The following DGKB variants were observed in gnomAD, a reference collection of about 807,000 sequenced individuals.
DGKB encodes 90 kDa diacylglycerol kinase.
Under a neutral mutation model 114.3 loss-of-function variants are expected in DGKB, and 67 were observed. The observed-to-expected ratio is 0.59, with a 90% CI of 0.48 to 0.72. The LOEUF (loss-of-function observed/expected upper bound fraction) is 0.72, where lower values mean the gene tolerates loss of function less well. Ranked by LOEUF, DGKB falls within the 30% of genes least tolerant of loss-of-function variation. The pLI is 0.00. For synonymous variants in DGKB, 398 were observed against 323.1 expected (o/e 1.23, Z -2.49); for missense variants, 907 against 975.2 (o/e 0.93, Z 0.93).
At chr7:14,876,101 A>G (rs574243475) in intron 1 of DGKB, among the ~76,000 whole-genome samples, 1 of 152,274 alleles carries the variant, frequency 6.6e-6, no homozygotes, top group South Asian at 2.1e-4. Flanking sequence ...ACTAGCTAAA[A>G]CAGGGCGGAG....
intron 14 of DGKB, among the ~76,000 whole-genome samples, chr7:14,625,911 G>A (rs114809282): frequency 6.6e-6 from 1 of 152,142 alleles, no homozygotes. Flanking sequence ...ATAGAATTCA[G>A]TGTTTTGTGA....
intron 21 of DGKB, among the ~76,000 whole-genome samples, chr7:14,438,159 A>T (rs1232815015): frequency 6.6e-6 from 1 of 152,102 alleles, no homozygotes; most frequent in Non-Finnish European, 1.5e-5. Flanking sequence ...AATTAATTCA[A>T]ACTTGACAGA....
chr7:14,757,632 A>T (rs748757876), intron 3 of DGKB, 23 bp downstream of exon 3: 2 of 1,393,558 alleles, frequency 1.4e-6, no homozygotes, highest in Admixed American at 1.8e-5. Context: ...TACGAAACTG[A>T]TATAAAGAAA....
intron 1 of DGKB, among the ~76,000 whole-genome samples, chr7:14,861,149 C>G (rs563045625): frequency 8.6e-4 from 131 of 152,044 alleles, no homozygotes; most frequent in African/African-American, 3.0e-3. Context: ...CTGAAATTCT[C>G]TGACCACCAT....
chr7:14,871,604 T>C lies in DGKB; in HGVS notation c.-187-30154A>G, dbSNP rs548094352. Among the ~76,000 whole-genome samples, 10 of 152,300 alleles carry C rather than the reference T, an allele frequency of 6.6e-5. No individual in the cohort carries two copies. The East Asian group carries it at 1.2e-3, about 18-fold the overall frequency. On this transcript the variant is annotated intron_variant, in intron 1 of 25. Transcript: ENST00000402815. ...TGGTATGCTATGATCACCTGGAATTTAGACTGACTGAGAAGAATTAGGCCT... is the reference window on the plus strand; with the variant it reads ...TGGTATGCTATGATCACCTGGAATTCAGACTGACTGAGAAGAATTAGGCCT...
intron 6 of DGKB, among the ~76,000 whole-genome samples, chr7:14,716,645 T>G (rs1261388058): frequency 6.6e-6 from 1 of 152,172 alleles, no homozygotes; most frequent in Non-Finnish European, 1.5e-5. Flanking sequence ...AACTTTTACA[T>G]ATGCAATTTT....
chr7:14,170,157 G>GA (rs1194161505), intron 25 of DGKB, among the ~76,000 whole-genome samples: 1 of 87,302 alleles, frequency 1.1e-5, no homozygotes, highest in South Asian at 3.5e-4. Flanking sequence ...AAGAAAGAAA[G>GA]AAAGAAAGAA....
intron 23 of DGKB, among the ~76,000 whole-genome samples, chr7:14,244,480 C>T (rs932011978): frequency 2.7e-5 from 4 of 149,160 alleles, no homozygotes; most frequent in Admixed American, 6.7e-5. Flanking sequence ...CACGGTGAAA[C>T]CCCGTCTCTA....
rs1005928652 is a variant in DGKB, at chr7:14,412,219, C to T, written c.1835+65942G>A. 5.9e-5 allele frequency among the ~76,000 whole-genome samples: 9 copies of T among 152,268 alleles called. No individual in the cohort carries two copies. In the East Asian group the frequency reaches 1.7e-3, roughly 29 times the overall value. On this transcript the variant is annotated intron_variant, in intron 21 of 25. Coordinates refer to ENST00000402815, the MANE Select transcript of DGKB (RefSeq NM_001350709.2). ...TTGCTGCTATAAAGCAGATACCATA[C>T]TAACTTCTGGTGATAAAAAGTAAGA...
intron 2 of DGKB, among the ~76,000 whole-genome samples, chr7:14,818,718 G>A (rs1346871919): frequency 6.6e-6 from 1 of 152,180 alleles, no homozygotes; most frequent in Non-Finnish European, 1.5e-5. Flanking sequence ...TTTTAGTTGT[G>A]AAATGCAAGT....
At chr7:14,628,369 G>A (rs1272839848) in intron 14 of DGKB, among the ~76,000 whole-genome samples, 2 of 151,558 alleles carry the variant, frequency 1.3e-5, no homozygotes, top group Non-Finnish European at 2.9e-5. Context: ...GAGAACAACT[G>A]TGCAAGCTTT....
chr7:14,649,530 G>A (rs1339092594), intron 13 of DGKB, among the ~76,000 whole-genome samples: 3 of 152,030 alleles, frequency 2.0e-5, no homozygotes, highest in Non-Finnish European at 2.9e-5. Context: ...GGTACCAGTT[G>A]CTGCAAAATC....
intron 21 of DGKB, among the ~76,000 whole-genome samples, chr7:14,350,708 T>C (rs73679717): frequency 0.013 from 1,958 of 151,572 alleles, 47 homozygotes; most frequent in African/African-American, 0.045. Context: ...AGACTTCTAC[T>C]AGATACTGAA....
intron 25 of DGKB, among the ~76,000 whole-genome samples, chr7:14,163,726 C>G (rs1784235015): frequency 6.6e-6 from 1 of 152,164 alleles, no homozygotes. Flanking sequence ...GGCACAGTGA[C>G]TCACCCCTGT....
intron 2 of DGKB, among the ~76,000 whole-genome samples, chr7:14,818,565 A>T (rs1194890369): frequency 6.6e-6 from 1 of 152,202 alleles, no homozygotes; most frequent in Non-Finnish European, 1.5e-5. Flanking sequence ...CTCTGAGTAG[A>T]GGACATGAAG....
At chr7:14,801,518 G>A (rs1842142515) in intron 2 of DGKB, among the ~76,000 whole-genome samples, 1 of 152,138 alleles carries the variant, frequency 6.6e-6, no homozygotes, top group Admixed American at 6.6e-5. Context: ...TCCCCAATGT[G>A]AGTGGGCATC....
chr7:14,534,374 G>A (rs1174089059), intron 20 of DGKB, among the ~76,000 whole-genome samples: 53 of 152,090 alleles, frequency 3.5e-4, no homozygotes, highest in Admixed American at 3.4e-3. Context: ...AAGAAAGCCA[G>A]GAGAAGAGGA....
chr7:14,762,194 G>A (rs1462509892), intron 2 of DGKB, among the ~76,000 whole-genome samples: 3 of 152,158 alleles, frequency 2.0e-5, no homozygotes, highest in Non-Finnish European at 4.4e-5. Flanking sequence ...AGCGGGAGGT[G>A]TTTTATTAAG....
chr7:14,573,416 T>C (rs937751512), intron 20 of DGKB, among the ~76,000 whole-genome samples: 5 of 151,982 alleles, frequency 3.3e-5, no homozygotes, highest in Non-Finnish European at 7.4e-5. Context: ...CTTAAGTTCA[T>C]GGACTCAACC....
Sources: gnomAD v4.1 joint callset for allele counts (sites outside exome capture counted in the v4.1 genomes callset) on GRCh38, gnomAD v4.1.1 for gene constraint, MANE v1.5 for transcripts, NCBI Gene and HGNC (gene_info 2026-07-23, HGNC 2026-07-21) for gene names.